The following RAD51B variants were observed in gnomAD, a reference collection of about 807,000 sequenced individuals.
RAD51B encodes DNA repair protein RAD51 homolog 2.
In RAD51B, 38 loss-of-function variants were observed where a neutral mutation model predicts 42.2. That is an observed-to-expected ratio of 0.90 (90% CI 0.70 to 1.18). The LOEUF is 1.18. Among genes scored for constraint, RAD51B ranks in the 50% most tolerant of loss-of-function variants. RAD51B has a pLI of 0.00. For missense variants in RAD51B, 373 were observed against 400.7 expected, an observed-to-expected ratio of 0.93 and a Z score of 0.59; for synonymous variants, 154 against 145.2, an observed-to-expected ratio of 1.06 and a Z score of -0.43.
intron 7 of RAD51B, among the ~76,000 whole-genome samples, chr14:68,128,488 C>T (rs1483085300): frequency 2.0e-5 from 3 of 152,070 alleles, no homozygotes; most frequent in Non-Finnish European, 4.4e-5. Flanking sequence ...GTCAGGAGTT[C>T]GAGACTAGCC....
intron 7 of RAD51B, among the ~76,000 whole-genome samples, chr14:67,941,362 T>C (rs2045200939): frequency 6.6e-6 from 1 of 152,192 alleles, no homozygotes; most frequent in Non-Finnish European, 1.5e-5. Context: ...CCTGACACCC[T>C]TGCATGTAGA....
At chr14:67,898,383 T>C (rs1163276632) in intron 7 of RAD51B, among the ~76,000 whole-genome samples, 1 of 152,116 alleles carries the variant, frequency 6.6e-6, no homozygotes, top group Admixed American at 6.5e-5. Context: ...TCTAAAATAG[T>C]CAAACTCATA....
At chr14:67,977,590 G>A (rs1010286580) in intron 7 of RAD51B, among the ~76,000 whole-genome samples, 1 of 152,188 alleles carries the variant, frequency 6.6e-6, no homozygotes, top group Non-Finnish European at 1.5e-5. Flanking sequence ...AAGATAAGTT[G>A]AATAAGGAAT....
intron 10 of RAD51B, among the ~76,000 whole-genome samples, chr14:68,533,593 T>A (rs997396315): frequency 2.0e-5 from 3 of 152,236 alleles, no homozygotes; most frequent in African/African-American, 7.2e-5. Flanking sequence ...TGAGGGAGTT[T>A]CTGTCTGATT....
At chr14:68,649,543 T>C (rs1171565019) in intron 10 of RAD51B, among the ~76,000 whole-genome samples, 1 of 152,224 alleles carries the variant, frequency 6.6e-6, no homozygotes, top group Non-Finnish European at 1.5e-5. Flanking sequence ...GCCCAGTCTT[T>C]CCATTTTCAA....
At chr14:68,467,194 A>G (rs138022560) in intron 9 of RAD51B, among the ~76,000 whole-genome samples, 40 of 152,344 alleles carry the variant, frequency 2.6e-4, no homozygotes, top group African/African-American at 9.1e-4. Flanking sequence ...ACCATATGAG[A>G]TGTGATAATG....
intron 10 of RAD51B, chr14:68,628,417 C>A (rs1052486520): frequency 3.2e-4 from 49 of 152,496 alleles, no homozygotes; most frequent in Non-Finnish European, 5.4e-4. Flanking sequence ...CTCTCCTGGC[C>A]CAGCACAGTG....
chr14:68,119,424 C>T (rs1471410244), intron 7 of RAD51B, among the ~76,000 whole-genome samples: 4 of 148,736 alleles, frequency 2.7e-5, no homozygotes, highest in African/African-American at 5.0e-5. Context: ...CCCATTAACT[C>T]GTCATTTAGC....
chr14:68,480,541 A>T (rs192062607), downstream of RAD51B, among the ~76,000 whole-genome samples: 94 of 152,330 alleles, frequency 6.2e-4, 1 homozygote, highest in African/African-American at 1.9e-3. Flanking sequence ...ACTGACAAAA[A>T]GCTGGAAAAA....
At chr14:67,888,261 T>C (rs2043120022) in intron 7 of RAD51B, among the ~76,000 whole-genome samples, 1 of 152,204 alleles carries the variant, frequency 6.6e-6, no homozygotes, top group Non-Finnish European at 1.5e-5. Context: ...TACATTTTAT[T>C]GTAGTTGGTT....
intron 8 of RAD51B, among the ~76,000 whole-genome samples, chr14:68,378,168 T>C (rs906470357): frequency 6.6e-6 from 1 of 152,210 alleles, no homozygotes; most frequent in South Asian, 2.1e-4. Context: ...AGCTTTAACT[T>C]TCTTATCCTT....
At chr14:68,489,387 T>C (rs1247504625) in intron 10 of RAD51B, among the ~76,000 whole-genome samples, 1 of 152,186 alleles carries the variant, frequency 6.6e-6, no homozygotes. Flanking sequence ...TGCATATAAT[T>C]CTTAGAGTTA....
Position 68,410,458 on chromosome 14 carries a change from G to T in RAD51B, c.854-966G>T, listed in dbSNP as rs564706213. On this transcript the variant is annotated intron_variant, in intron 8 of 10. Coordinates refer to ENST00000471583, the MANE Select transcript of RAD51B (RefSeq NM_133510.4). Reference sequence around the variant, plus strand: ...GTAGTCTCCTCATAGAAAAAAGATCGCATCTGGAGGCAACAAGGCACACTA... The same window carrying T: ...GTAGTCTCCTCATAGAAAAAAGATCTCATCTGGAGGCAACAAGGCACACTA... Among the ~76,000 whole-genome samples the T allele has an allele frequency of 2.2e-4, 33 of 152,250 alleles. 1 individual carries two copies. The South Asian group carries it at 6.2e-3, about 29-fold the overall frequency.
At chr14:68,549,447 G>T (rs371187167) in intron 10 of RAD51B, among the ~76,000 whole-genome samples, 151 of 85,758 alleles carry the variant, frequency 1.8e-3, no homozygotes, top group African/African-American at 5.7e-3. Context: ...ACGGAGTTTC[G>T]CTCTGTCGCC....
chr14:67,848,142 C>A (rs996521514), intron 4 of RAD51B, among the ~76,000 whole-genome samples: 1 of 152,070 alleles, frequency 6.6e-6, no homozygotes, highest in African/African-American at 2.4e-5. Flanking sequence ...CTCAGCCTCC[C>A]GAGTAGCTGG....
downstream of RAD51B, among the ~76,000 whole-genome samples, chr14:68,613,636 A>G (rs1891759739): frequency 6.6e-6 from 1 of 151,744 alleles, no homozygotes; most frequent in Non-Finnish European, 1.5e-5. Flanking sequence ...TTGTATTTTT[A>G]GTAGAGATGG....
rs554514876 is a variant in RAD51B, at chr14:67,964,057, CT to C, written c.756+76857del. ...ACATCTCCTGACTTTCTATGCTGTT[CT>C]TTTCCCTACAGTACACATAAATATA... On this transcript the variant is annotated intron_variant, in intron 7 of 10. Coordinates refer to ENST00000471583, the MANE Select transcript of RAD51B (RefSeq NM_133510.4). Among the ~76,000 whole-genome samples, 99 of 151,962 alleles carry C rather than the reference CT, an allele frequency of 6.5e-4. No individual in the cohort carries two copies. The South Asian group carries it at 0.013, about 20-fold the overall frequency.
chr14:67,975,324 A>G (rs373467144), intron 7 of RAD51B, among the ~76,000 whole-genome samples: 3 of 152,188 alleles, frequency 2.0e-5, no homozygotes, highest in Non-Finnish European at 4.4e-5. Context: ...TTCAAAAGAA[A>G]TTTATGCTGC....
At chr14:68,610,925 T>A in intron 10 of RAD51B, 1 of 631,524 alleles carries the variant, frequency 1.6e-6, no homozygotes, top group African/African-American at 1.8e-5. Flanking sequence ...CCATGAACAG[T>A]TATTATTCAA....
Sources: allele counts gnomAD v4.1 joint callset (sites outside exome capture counted in the v4.1 genomes callset), GRCh38; gene constraint gnomAD v4.1.1; transcripts MANE v1.5; gene names NCBI Gene and HGNC (gene_info 2026-07-23, HGNC 2026-07-21).